FSHR: variants seen among roughly 807,000 people sequenced by gnomAD.
FSHR encodes the protein follicle stimulating hormone receptor.
In FSHR, 46 loss-of-function variants were observed where a neutral mutation model predicts 52.1. The observed-to-expected ratio is 0.88, with a 90% CI of 0.70 to 1.13. The LOEUF (loss-of-function observed/expected upper bound fraction) is 1.13. Ranked by LOEUF, FSHR falls within the 50% of genes most tolerant of loss-of-function variation. The pLI is 0.00. For synonymous variants in FSHR, 399 were observed against 309.6 expected, an observed-to-expected ratio of 1.29 and a Z score of -3.03; for missense variants, 964 against 834.6, an observed-to-expected ratio of 1.16 and a Z score of -1.91.
chr2:49,128,678 C>G (rs78783854), intron 1 of FSHR, among the ~76,000 whole-genome samples: 1 of 148,046 alleles, frequency 6.8e-6, no homozygotes, highest in Non-Finnish European at 1.5e-5. Flanking sequence ...GTTGAATAGT[C>G]TTTTTTTTTT....
chr2:49,065,691 A>G (rs749138977), intron 2 of FSHR, among the ~76,000 whole-genome samples: 3 of 152,082 alleles, frequency 2.0e-5, no homozygotes, highest in Admixed American at 2.0e-4. Flanking sequence ...TTGCAGATGA[A>G]AGTTTAGGAA....
intron 3 of FSHR, among the ~76,000 whole-genome samples, chr2:49,018,988 C>T (rs1352227567): frequency 6.6e-6 from 1 of 152,210 alleles, no homozygotes; most frequent in Non-Finnish European, 1.5e-5. Flanking sequence ...TGGATTTGGA[C>T]AGATGACCTT....
intron 2 of FSHR, among the ~76,000 whole-genome samples, chr2:49,059,931 G>T (rs543147802): frequency 1.8e-4 from 27 of 152,150 alleles, no homozygotes; most frequent in Middle Eastern, 3.4e-3. Flanking sequence ...ACCACAGAAT[G>T]GGAGAATATG....
chr2:49,056,794 A>C (rs72877877), intron 2 of FSHR, among the ~76,000 whole-genome samples: 2 of 152,034 alleles, frequency 1.3e-5, no homozygotes, highest in Admixed American at 1.3e-4. Context: ...AATTTTAAAA[A>C]TATCAAAATT....
intron 1 of FSHR, among the ~76,000 whole-genome samples, chr2:49,122,925 T>C (rs901840238): frequency 5.9e-5 from 9 of 152,192 alleles, no homozygotes; most frequent in Non-Finnish European, 8.8e-5. Flanking sequence ...TATGAAGATA[T>C]ACTGGAGTCT....
chr2:48,966,952 A>G (rs1674502246), intron 9 of FSHR, among the ~76,000 whole-genome samples: 1 of 152,098 alleles, frequency 6.6e-6, no homozygotes, highest in Admixed American at 6.5e-5. Flanking sequence ...GTGACAATAT[A>G]AGGTAGATGT....
intron 1 of FSHR, among the ~76,000 whole-genome samples, chr2:49,127,732 G>A (rs1672058216): frequency 7.0e-6 from 1 of 142,820 alleles, no homozygotes; most frequent in Non-Finnish European, 1.5e-5. Flanking sequence ...ATTGATTTGT[G>A]CATGATTTCT....
At chr2:48,984,835 A>C (rs1342311018) in intron 6 of FSHR, among the ~76,000 whole-genome samples, 1 of 152,218 alleles carries the variant, frequency 6.6e-6, no homozygotes, top group Non-Finnish European at 1.5e-5. Context: ...ATCAAATAAA[A>C]CATAAACTAA....
chr2:49,108,864 A>G (rs1671327792), intron 1 of FSHR, among the ~76,000 whole-genome samples: 1 of 152,174 alleles, frequency 6.6e-6, no homozygotes, highest in South Asian at 2.1e-4. Flanking sequence ...GCTTTAAAGA[A>G]TCCTTTATAT....
At chr2:49,010,951 C>T (rs1320709302) in intron 4 of FSHR, among the ~76,000 whole-genome samples, 1 of 151,714 alleles carries the variant, frequency 6.6e-6, no homozygotes, top group Non-Finnish European at 1.5e-5. Flanking sequence ...AGTGGTCTAT[C>T]AATTTTGTTG....
At chr2:49,038,981 A>C (rs1441752604) in intron 2 of FSHR, among the ~76,000 whole-genome samples, 1 of 152,200 alleles carries the variant, frequency 6.6e-6, no homozygotes, top group African/African-American at 2.4e-5. Flanking sequence ...CGTGTATTTG[A>C]GAACGTGTGC....
chr2:49,093,781 G>C (rs1670710165), intron 1 of FSHR, among the ~76,000 whole-genome samples: 2 of 151,836 alleles, frequency 1.3e-5, no homozygotes, highest in African/African-American at 4.8e-5. Context: ...ATTTTTAGTA[G>C]AGACCGAGTT....
At chr2:48,968,963 G>C in intron 8 of FSHR, 80 bp from the exon 9 acceptor site, 1 of 1,226,826 alleles carries the variant, frequency 8.2e-7, no homozygotes, top group Non-Finnish European at 1.2e-6. Context: ...CAAAATAGCA[G>C]ACACACTAGT....
intron 2 of FSHR, among the ~76,000 whole-genome samples, chr2:49,046,378 T>C (rs1362393465): frequency 6.6e-6 from 1 of 152,222 alleles, no homozygotes; most frequent in African/African-American, 2.4e-5. Flanking sequence ...GATTAATGCA[T>C]GAACTTTGGA....
chr2:49,110,971 G>T (rs936974950), intron 1 of FSHR, among the ~76,000 whole-genome samples: 6 of 152,262 alleles, frequency 3.9e-5, no homozygotes, highest in East Asian at 3.9e-4. Context: ...GGTTAATAAG[G>T]TTCTTCAAAT....
intron 2 of FSHR, among the ~76,000 whole-genome samples, chr2:49,053,884 A>G (rs1049395922): frequency 2.0e-5 from 3 of 152,218 alleles, no homozygotes; most frequent in Non-Finnish European, 4.4e-5. Flanking sequence ...GAGATTGAGT[A>G]TTAAGGGCCT....
intron 4 of FSHR, among the ~76,000 whole-genome samples, chr2:49,006,179 C>T (rs537296481): frequency 8.5e-5 from 13 of 152,134 alleles, no homozygotes; most frequent in African/African-American, 3.1e-4. Context: ...AATAAACTCC[C>T]CTTTATGTAT....
In FSHR at chr2:48,963,147, G is replaced by C; in HGVS notation, c.1674C>G (p.Asn558Lys). ...CACTAGAGGAGGACACGATGTTGGG[G>C]TTCCGCACTGTGAGGTAGATGTGGA... Reference protein sequence around the residue: ...CYIHIYLTVRNPNIVSSSSDT... With the variant: ...CYIHIYLTVRKPNIVSSSSDT... The change falls in exon 10 of 10, where the codon AAC becomes AAG. Residue 558 changes from asparagine to lysine, a missense_variant. Coordinates refer to ENST00000406846, the MANE Select transcript of FSHR (RefSeq NM_000145.4). 1 of 1,614,078 alleles carries C rather than the reference G, an allele frequency of 6.2e-7. No individual in the cohort carries two copies. Among genetic ancestry groups the C allele is most frequent in the Non-Finnish European group, 8.5e-7 (1 of 1,179,994 alleles).
intron 9 of FSHR, among the ~76,000 whole-genome samples, chr2:48,964,603 G>A (rs949187920): frequency 6.6e-6 from 1 of 152,120 alleles, no homozygotes; most frequent in African/African-American, 2.4e-5. Flanking sequence ...GCATGTGCTT[G>A]TCTGCAAGGT....
Sources: allele counts gnomAD v4.1 joint callset (sites outside exome capture counted in the v4.1 genomes callset), GRCh38; gene constraint gnomAD v4.1.1; transcripts MANE v1.5; gene names NCBI Gene and HGNC (gene_info 2026-07-23, HGNC 2026-07-21).